Variants in SYT2 observed in about 807,000 individuals in gnomAD.
SYT2 encodes synaptotagmin 2, also known as synaptotagmin-2.
SYT2 carries 15 observed loss-of-function variants against 39.9 expected under a neutral mutation model. The ratio of observed to expected loss-of-function variants is 0.38; its 90% CI spans 0.25 to 0.58. The LOEUF (loss-of-function observed/expected upper bound fraction) is 0.58, where lower values mean the gene tolerates loss of function less well. SYT2 is among the 20% of genes least tolerant of loss of function. The probability of loss-of-function intolerance (pLI) is 0.70; values close to 1 mark genes in which losing one functional copy is unlikely to be tolerated. For missense variants in SYT2, 389 were observed against 530.3 expected, an observed-to-expected ratio of 0.73 and a Z score of 2.62; for synonymous variants, 181 against 204.5, an observed-to-expected ratio of 0.89 and a Z score of 0.98.
At position 202,656,478 on chromosome 1, in the gene SYT2, G is replaced by A. The variant is rs533240402; in HGVS notation, c.-17-50689C>T. ...GAGTGCAAAGACCAAGGGATCAGGA[G>A]CCAGACAGACCTGGGTTCAAGTCCC... On this transcript the variant is annotated intron_variant, in intron 1 of 8. Transcript: ENST00000367268. Among the ~76,000 whole-genome samples, 10 of 152,366 alleles carry A rather than the reference G, an allele frequency of 6.6e-5. No individual in the cohort carries two copies. The South Asian group carries it at 2.1e-3, about 32-fold the overall frequency.
At chr1:202,680,659 T>C (rs1190509654) in intron 1 of SYT2, among the ~76,000 whole-genome samples, 1 of 152,158 alleles carries the variant, frequency 6.6e-6, no homozygotes, top group Non-Finnish European at 1.5e-5. Flanking sequence ...AACCACACAA[T>C]TGGCATTATT....
intron 1 of SYT2, chr1:202,632,159 G>C: frequency 1.2e-6 from 1 of 842,696 alleles, no homozygotes; most frequent in Non-Finnish European, 1.4e-6. Context: ...GCCACCACTA[G>C]ATAATTTGTG....
intron 1 of SYT2, among the ~76,000 whole-genome samples, chr1:202,621,061 G>A (rs542585467): frequency 2.6e-5 from 4 of 152,288 alleles, no homozygotes; most frequent in Admixed American, 1.3e-4. Flanking sequence ...TTCACAGCAC[G>A]GCTCTGGAAA....
At position 202,686,841 on chromosome 1, in the gene SYT2, C is replaced by T. The variant is rs551384517; in HGVS notation, c.-18+23417G>A. Among the ~76,000 whole-genome samples, 10 of 152,204 alleles carry T rather than the reference C, an allele frequency of 6.6e-5. No individual in the cohort carries two copies. In the East Asian group the frequency reaches 1.9e-3, roughly 29 times the overall value. On this transcript the variant is annotated intron_variant, in intron 1 of 8. Transcript: ENST00000367268. ...ACCAAAGGGCTTCACACTTCTGAGT[C>T]CTCATTCTTGTGATTCCTTCTGCTT... is the stretch of plus-strand genomic sequence containing the variant.
intron 1 of SYT2, among the ~76,000 whole-genome samples, chr1:202,703,075 C>T (rs1036262710): frequency 6.6e-6 from 1 of 152,216 alleles, no homozygotes; most frequent in Non-Finnish European, 1.5e-5. Context: ...ACATCTGGAT[C>T]ATTAGTTCAG....
intron 1 of SYT2, among the ~76,000 whole-genome samples, chr1:202,645,020 G>T (rs1371764198): frequency 2.6e-5 from 4 of 152,194 alleles, no homozygotes; most frequent in African/African-American, 7.2e-5. Context: ...TCCTGTGGGG[G>T]AGTGTGCATC....
At chr1:202,635,128 T>A (rs1691706155) in intron 1 of SYT2, among the ~76,000 whole-genome samples, 1 of 152,252 alleles carries the variant, frequency 6.6e-6, no homozygotes, top group Admixed American at 6.5e-5. Context: ...TCCAATTTAA[T>A]GATAAGGCTC....
In SYT2 at chr1:202,674,040, G is replaced by T. The variant is rs935018557; in HGVS notation, c.-18+36218C>A. On this transcript the variant is annotated intron_variant, in intron 1 of 8. Coordinates refer to ENST00000367268, the MANE Select transcript of SYT2 (RefSeq NM_177402.5). ...AATGTGTATTTTTTTTAATGTGTGAGTATTCTTGTGTGGGTATGTGTGTGA... is the reference window on the plus strand; with the variant it reads ...AATGTGTATTTTTTTTAATGTGTGATTATTCTTGTGTGGGTATGTGTGTGA... 6.6e-5 allele frequency among the ~76,000 whole-genome samples: 10 copies of T among 152,176 alleles called. No homozygotes were observed. The South Asian group carries it at 1.4e-3, about 22-fold the overall frequency.
At chr1:202,646,482 A>G (rs1181786445) in intron 1 of SYT2, among the ~76,000 whole-genome samples, 1 of 152,154 alleles carries the variant, frequency 6.6e-6, no homozygotes, top group Non-Finnish European at 1.5e-5. Flanking sequence ...CAGGAGGGCA[A>G]GGACCCCTGC....
intron 1 of SYT2, among the ~76,000 whole-genome samples, chr1:202,704,186 T>C (rs1485184324): frequency 2.0e-5 from 3 of 152,154 alleles, no homozygotes; most frequent in Non-Finnish European, 4.4e-5. Flanking sequence ...CAGGCGACTA[T>C]CCTGGGGTTG....
At chr1:202,616,067 G>T (rs1691023130) in intron 1 of SYT2, among the ~76,000 whole-genome samples, 1 of 151,990 alleles carries the variant, frequency 6.6e-6, no homozygotes, top group African/African-American at 2.4e-5. Flanking sequence ...GATCACCCAG[G>T]CCCTCTGCAC....
At chr1:202,627,621 C>G (rs190549920) in intron 1 of SYT2, 1 of 985,136 alleles carries the variant, frequency 1.0e-6, no homozygotes, top group African/African-American at 1.7e-5. Context: ...GAGAGTAATG[C>G]GCAAAGGAAG....
At chr1:202,670,949 C>G (rs1353666907) in intron 1 of SYT2, among the ~76,000 whole-genome samples, 3 of 152,358 alleles carry the variant, frequency 2.0e-5, no homozygotes, top group African/African-American at 7.2e-5. Context: ...CCCAAGGCCA[C>G]CCAGTGATCT....
rs1690230631 is a variant in SYT2, at chr1:202,594,749, T to G, written c.*2008A>C. ...ACACCAGTAAAAACATAACTTCCCA[T>G]GTACCACTAACAAGACAAAGAAGGA... is the stretch of plus-strand genomic sequence containing the variant. On this transcript the variant is annotated 3_prime_UTR_variant, in exon 9 of 9. Coordinates refer to ENST00000367268, the MANE Select transcript of SYT2 (RefSeq NM_177402.5). 8.0e-6 allele frequency: 1 copy of G among 125,504 alleles called. No individual in the cohort carries two copies. Among genetic ancestry groups the G allele is most frequent in the Admixed American group, 8.1e-5 (1 of 12,272 alleles). 7.8% of individuals were successfully genotyped at this position (125,504 alleles called of 1,614,324 possible). A position where few individuals can be genotyped will look rare whatever the true frequency, so the allele number is the denominator to read the frequency against.
chr1:202,607,970 C>T (rs1296824148), intron 1 of SYT2, among the ~76,000 whole-genome samples: 1 of 152,256 alleles, frequency 6.6e-6, no homozygotes, highest in Non-Finnish European at 1.5e-5. Flanking sequence ...ATTGTATTCA[C>T]AGAATAGTGG....
intron 1 of SYT2, among the ~76,000 whole-genome samples, chr1:202,625,406 T>C (rs1255844003): frequency 3.6e-5 from 5 of 140,062 alleles, no homozygotes; most frequent in Non-Finnish European, 7.7e-5. Context: ...TGTAGTAGGG[T>C]GTGTGTGTGG....
chr1:202,603,476 A>G (rs182411310), intron 3 of SYT2, among the ~76,000 whole-genome samples: 89 of 152,230 alleles, frequency 5.8e-4, no homozygotes, highest in Non-Finnish European at 1.1e-3. Flanking sequence ...CCCTCTCCCA[A>G]ACACTTTCCC....
At chr1:202,600,302 G>T in intron 7 of SYT2, 55 bp downstream of exon 7, 2 of 1,450,270 alleles carry the variant, frequency 1.4e-6, no homozygotes, top group Non-Finnish European at 1.9e-6. Context: ...TCTGGGACTT[G>T]GTGCTGACTG....
In SYT2 at chr1:202,600,506, C is replaced by T. The variant is rs368659613; in HGVS notation, c.802-32G>A. 5.0e-5 allele frequency: 81 copies of T among 1,604,494 alleles called. No individual in the cohort carries two copies. In the Middle Eastern group the frequency reaches 3.0e-3, roughly 59 times the overall value. On this transcript the variant is annotated intron_variant, in intron 6 of 8. Transcript: ENST00000367268. ...AGGGGAAGAGCAGGACTTGGGTCATCTCACCCATCCTAGTGCCTCTCTCAT... is the reference window on the plus strand; with the variant it reads ...AGGGGAAGAGCAGGACTTGGGTCATTTCACCCATCCTAGTGCCTCTCTCAT...
Sources: allele counts gnomAD v4.1 joint callset (sites outside exome capture counted in the v4.1 genomes callset), GRCh38; gene constraint gnomAD v4.1.1; transcripts MANE v1.5; gene names NCBI Gene and HGNC (gene_info 2026-07-23, HGNC 2026-07-21).